IL12RB1: variants seen among roughly 807,000 people sequenced by gnomAD.
IL12RB1 encodes the protein interleukin 12 receptor subunit beta 1.
In IL12RB1, 64 loss-of-function variants were observed where a neutral mutation model predicts 94.4. That is an observed-to-expected ratio of 0.68 (90% CI 0.55 to 0.83). The LOEUF (loss-of-function observed/expected upper bound fraction) is 0.83, where lower values mean the gene tolerates loss of function less well. Ranked by LOEUF, IL12RB1 falls within the 40% of genes least tolerant of loss-of-function variation. The pLI, the probability that IL12RB1 is intolerant of heterozygous loss-of-function variation, is 0.00. For synonymous variants in IL12RB1, 362 were observed against 355.5 expected (o/e 1.02, Z -0.21); for missense variants, 814 against 855.6 (o/e 0.95, Z 0.61).
intron 9 of IL12RB1, chr19:18,071,193 T>C (rs189070506): frequency 3.4e-5 from 12 of 349,536 alleles, no homozygotes; most frequent in Admixed American, 1.2e-4. Context: ...GCCAACGTGG[T>C]GAAACCCCGT....
intron 13 of IL12RB1, 140 bp downstream of exon 13, chr19:18,063,736 G>T: frequency 1.3e-6 from 1 of 742,162 alleles, no homozygotes; most frequent in Non-Finnish European, 2.1e-6. Flanking sequence ...AATGGGAGCA[G>T]TTTGAGCTGC....
chr19:18,082,461 G>A (rs1023735239), intron 2 of IL12RB1, among the ~76,000 whole-genome samples, 197 bp from the exon 3 acceptor site: 1 of 151,864 alleles, frequency 6.6e-6, no homozygotes, highest in African/African-American at 2.4e-5. Flanking sequence ...TCCTCACAGA[G>A]GCCAGATGTC....
At position 18,062,319 on chromosome 19, in the gene IL12RB1, C is replaced by T. The variant is rs747100468; in HGVS notation, c.1619-42G>A. The T allele has an allele frequency of 6.3e-6, 8 of 1,264,244 alleles. No homozygotes were observed. The South Asian group carries it at 9.8e-5, about 15-fold the overall frequency. 78.3% of individuals were successfully genotyped at this position (1,264,244 alleles called of 1,614,324 possible). A position where few individuals can be genotyped will look rare whatever the true frequency, so the allele number is the denominator to read the frequency against. The stretch of plus-strand genomic sequence containing the variant: ...TGGGTTGGCAGAGGGCTACCTCCTG[C>T]CTCTTCCTCAGGGAAGGAGCTAGGA... On this transcript the variant is annotated intron_variant, in intron 13 of 16. Transcript: ENST00000593993.
intron 4 of IL12RB1, among the ~76,000 whole-genome samples, chr19:18,080,036 T>C (rs1389438710): frequency 2.6e-5 from 4 of 152,042 alleles, no homozygotes; most frequent in African/African-American, 9.7e-5. Flanking sequence ...TTTTCCTTCA[T>C]TCTTTTCTTT....
intron 4 of IL12RB1, among the ~76,000 whole-genome samples, chr19:18,079,447 T>A (rs1247050900): frequency 6.6e-6 from 1 of 152,130 alleles, no homozygotes; most frequent in African/African-American, 2.4e-5. Context: ...ACATTATTTT[T>A]AATTATAGTT....
In IL12RB1 at chr19:18,086,900, C is replaced by T. The variant is rs769249845; in HGVS notation, c.-77G>A. On this transcript the variant is annotated 5_prime_UTR_variant, in exon 1 of 17. Coordinates refer to ENST00000593993, the MANE Select transcript of IL12RB1 (RefSeq NM_005535.3). ...AGGTTCAGCCACCCCGTCCCCACTCCGGAACACATTGAAGCTGAGCAAGGA... is the reference window on the plus strand; with the variant it reads ...AGGTTCAGCCACCCCGTCCCCACTCTGGAACACATTGAAGCTGAGCAAGGA... 20 of 1,573,610 alleles carry T rather than the reference C, an allele frequency of 1.3e-5. No individual in the cohort carries two copies. The highest frequency in any genetic ancestry group is 3.7e-5 in the Admixed American group (2 of 54,426).
chr19:18,080,978 T>A lies in IL12RB1; in HGVS notation c.263A>T (p.Tyr88Phe). The change falls in exon 4 of 17, where the codon TAC becomes TTC. Residue 88 changes from tyrosine (Y) to phenylalanine (F), a missense_variant. Coordinates refer to ENST00000593993, the MANE Select transcript of IL12RB1 (RefSeq NM_005535.3). ...RCCLSSGRCC[Y>F]FAAGSATRLQ... ...CCTGGTGGCTGAGCCGGCGGCGAAGTAGCAGCAGCGCCCGGAGCTAAGGCT... is the reference window on the plus strand; with the variant it reads ...CCTGGTGGCTGAGCCGGCGGCGAAGAAGCAGCAGCGCCCGGAGCTAAGGCT... The A allele has an allele frequency of 6.2e-7, 1 of 1,613,026 alleles. No individual in the cohort carries two copies. Among genetic ancestry groups the A allele is most frequent in the African/African-American group, 1.3e-5 (1 of 74,996 alleles).
At chr19:18,089,391 G>C (rs541168661), upstream of IL12RB1, among the ~76,000 whole-genome samples, 1 of 152,028 alleles carries the variant, frequency 6.6e-6, no homozygotes, top group East Asian at 1.9e-4. Context: ...TTGGGAGGCC[G>C]AGCCAGGTGG....
At chr19:18,087,165 C>T (rs1270629355), upstream of IL12RB1, among the ~76,000 whole-genome samples, 2 of 151,214 alleles carry the variant, frequency 1.3e-5, no homozygotes, top group African/African-American at 4.9e-5. Context: ...CATGGGCCAC[C>T]TGTGGTTCCA....
intron 1 of IL12RB1, among the ~76,000 whole-genome samples, chr19:18,097,022 C>T (rs1226957682): frequency 6.6e-6 from 1 of 152,008 alleles, no homozygotes; most frequent in African/African-American, 2.4e-5. Flanking sequence ...TTTTGTTCAT[C>T]ATAAATGTTT....
chr19:18,075,859 A>G lies in IL12RB1; in HGVS notation c.590T>C (p.Leu197Pro). The G allele has an allele frequency of 6.2e-7, 1 of 1,613,428 alleles. No individual in the cohort carries two copies. The highest frequency in any genetic ancestry group is 8.5e-7 in the Non-Finnish European group (1 of 1,179,374). ...GGCCACATTCATCTCCAGGGGGCAG[A>G]GGCAGGACTCTGGGGAGAGGCAGGT... The part of the protein sequence containing the change: ...GPQDDDTESC[L>P]CPLEMNVAQE... The change falls in exon 7 of 17, where the codon CTC becomes CCC. Residue 197 changes from leucine (L) to proline (P), a missense_variant. Leu to Pro is a moderately conservative substitution (Grantham distance 98). Coordinates refer to ENST00000593993, the MANE Select transcript of IL12RB1 (RefSeq NM_005535.3).
At chr19:18,080,304 TCTCAG>T (rs1357297702) in intron 4 of IL12RB1, among the ~76,000 whole-genome samples, 3 of 152,214 alleles carry the variant, frequency 2.0e-5, no homozygotes, top group African/African-American at 7.2e-5. Context: ...AGTGGCTCAA[TCTCAG>T]CTCACTGTAA....
chr19:18,070,598 C>T (rs902613394), intron 9 of IL12RB1: 14 of 899,608 alleles, frequency 1.6e-5, no homozygotes, highest in Non-Finnish European at 1.9e-5. Context: ...GTACCAACTG[C>T]ATGTGCCAAG....
chr19:18,060,575 CCT>C (rs1316021766), intron 15 of IL12RB1, among the ~76,000 whole-genome samples: 2 of 152,158 alleles, frequency 1.3e-5, no homozygotes, highest in African/African-American at 4.8e-5. Flanking sequence ...AATTTCCCTC[CCT>C]CTTTTCACAG....
intron 1 of IL12RB1, among the ~76,000 whole-genome samples, chr19:18,092,636 C>G (rs2036683338): frequency 6.6e-6 from 1 of 150,758 alleles, no homozygotes; most frequent in Admixed American, 6.6e-5. Context: ...TGCCACTGCA[C>G]CCCAGCCTAG....
intron 13 of IL12RB1, 80 bp from the exon 14 acceptor site, chr19:18,062,357 TC>T: frequency 1.2e-6 from 1 of 827,524 alleles, no homozygotes. Context: ...GCCTGGTTTC[TC>T]CATGAACTTG....
intron 8 of IL12RB1, 52 bp from the exon 9 acceptor site, chr19:18,072,401 C>T (rs997014501): frequency 2.5e-6 from 3 of 1,178,728 alleles, no homozygotes; most frequent in Middle Eastern, 3.8e-4. Flanking sequence ...ACTCATCATC[C>T]CATAGGCAGA....
intron 1 of IL12RB1, among the ~76,000 whole-genome samples, chr19:18,096,022 G>C (rs1031251018): frequency 1.3e-5 from 2 of 151,960 alleles, no homozygotes; most frequent in Non-Finnish European, 1.5e-5. Flanking sequence ...CCAGGAGTTC[G>C]AGACCAGCGC....
chr19:18,072,304 C>T lies in IL12RB1; in HGVS notation c.829G>A (p.Gly277Ser), dbSNP rs1333498230. ...LPEGCQGLAP[G>S]TEVTYRLQLH... ...TGTAGTCGGTAAGTGACCTCCGTGC[C>T]AGGCGCCAGCCCTTGACAGCCTTCT... is the stretch of plus-strand genomic sequence containing the variant. The change falls in exon 9 of 17, where the codon GGC becomes AGC. Residue 277 changes from glycine to serine, a missense_variant. Transcript: ENST00000593993. 1.9e-6 allele frequency: 3 copies of T among 1,614,064 alleles called. No individual in the cohort carries two copies. Among genetic ancestry groups the T allele is most frequent in the East Asian group, 2.2e-5 (1 of 44,864 alleles).
Sources: gnomAD v4.1 joint callset for allele counts (sites outside exome capture counted in the v4.1 genomes callset) on GRCh38, gnomAD v4.1.1 for gene constraint, MANE v1.5 for transcripts, NCBI Gene and HGNC (gene_info 2026-07-23, HGNC 2026-07-21) for gene names.